CCDC3: variants seen among roughly 807,000 people sequenced by gnomAD.
The protein encoded by CCDC3 is coiled-coil domain-containing protein 3.
CCDC3 carries 24 observed loss-of-function variants against 21.4 expected under a neutral mutation model. The observed-to-expected ratio is 1.12, with a 90% CI of 0.81 to 1.58. The LOEUF (loss-of-function observed/expected upper bound fraction) is 1.58. CCDC3 is among the 40% of genes most tolerant of loss of function. The probability of loss-of-function intolerance (pLI) is 0.00; values close to 1 mark genes in which losing one functional copy is unlikely to be tolerated. For missense variants in CCDC3, 425 were observed against 360.9 expected (o/e 1.18, Z -1.44); for synonymous variants, 186 against 166.0 (o/e 1.12, Z -0.93).
intron 2 of CCDC3, among the ~76,000 whole-genome samples, chr10:12,921,189 C>T (rs574472315): frequency 6.6e-6 from 1 of 152,272 alleles, no homozygotes; most frequent in African/African-American, 2.4e-5. Context: ...TCTGGGTATT[C>T]AATTTAAAAT....
rs1404893181 is a variant in CCDC3 at position 13,098,743 on chromosome 10, G to T, written c.-580-141C>A. ...TTTTTTTTTTTTTTTTTGAGACGGA[G>T]TCTCACTCTGTCACCCAGGCTGGAG... On this transcript the variant is annotated intron_variant, in intron 2 of 6. Transcript: ENST00000378839. 5.9e-5 allele frequency: 3 copies of T among 50,750 alleles called. No individual in the cohort carries two copies. The East Asian group carries it at 1.4e-3, about 24-fold the overall frequency. The allele number at this position is 50,750 out of a possible 1,614,324, so 3.1% of individuals were successfully genotyped here.
In CCDC3 at chr10:13,067,016, T is replaced by A. The variant is rs529857732; in HGVS notation, c.-270+6852A>T. 4.6e-5 allele frequency among the ~76,000 whole-genome samples: 7 copies of A among 152,282 alleles called. No individual in the cohort carries two copies. In the South Asian group the frequency reaches 1.5e-3, roughly 32 times the overall value. ...ATTCTGCAACATTTTGGCTCCTAGG[T>A]GTGGGGCTTGAGGAGGGGTGGGTAA... On this transcript the variant is annotated intron_variant, in intron 4 of 6. Transcript: ENST00000378839.
At chr10:13,073,262 C>G (rs1836909021) in intron 4 of CCDC3, among the ~76,000 whole-genome samples, 1 of 152,152 alleles carries the variant, frequency 6.6e-6, no homozygotes, top group Admixed American at 6.5e-5. Flanking sequence ...TTAGTCTTCT[C>G]TTTGGTGGTG....
Position 13,001,686 on chromosome 10 carries a change from C to T in CCDC3, c.-116G>A. The T allele has an allele frequency of 1.6e-6, 1 of 638,394 alleles. No homozygotes were observed. Among genetic ancestry groups the T allele is most frequent in the Non-Finnish European group, 2.0e-6 (1 of 504,448 alleles). 39.5% of individuals were successfully genotyped at this position (638,394 alleles called of 1,614,324 possible). A position where few individuals can be genotyped will look rare whatever the true frequency, so the allele number is the denominator to read the frequency against. On this transcript the variant is annotated 5_prime_UTR_variant, in exon 1 of 3. It adds an upstream start codon to the 5' untranslated region. Coordinates refer to ENST00000378825, the MANE Select transcript of CCDC3 (RefSeq NM_031455.4). ...GGGCCGCTCCCGGGAGCTGAGCGCA[C>T]CGCTGTCTCCGCCACGGGGCTCGGC...
At chr10:12,975,859 C>T (rs1252914675) in intron 2 of CCDC3, among the ~76,000 whole-genome samples, 1 of 152,190 alleles carries the variant, frequency 6.6e-6, no homozygotes, top group Non-Finnish European at 1.5e-5. Flanking sequence ...TTTCATCTCC[C>T]CTGGTTTCAG....
chr10:12,917,609 G>T (rs1369557982), intron 2 of CCDC3, among the ~76,000 whole-genome samples: 1 of 152,150 alleles, frequency 6.6e-6, no homozygotes, highest in Non-Finnish European at 1.5e-5. Context: ...GATTTTCTGC[G>T]TGGGAGATGA....
At chr10:12,991,513 G>A (rs1835682733) in intron 2 of CCDC3, among the ~76,000 whole-genome samples, 1 of 152,000 alleles carries the variant, frequency 6.6e-6, no homozygotes, top group Admixed American at 6.6e-5. Flanking sequence ...TAGAGACGGG[G>A]TTTCACCATG....
At chr10:13,054,168 A>C (rs1412481668) in intron 4 of CCDC3, among the ~76,000 whole-genome samples, 2 of 151,490 alleles carry the variant, frequency 1.3e-5, no homozygotes, top group Admixed American at 6.6e-5. Context: ...AAAAAAAAAA[A>C]AAAAAGAGGA....
Position 12,994,000 on chromosome 10 carries a change from G to A in CCDC3, c.549+4338C>T, listed in dbSNP as rs59891835. On this transcript the variant is annotated intron_variant, in intron 2 of 2. Coordinates refer to ENST00000378825, the MANE Select transcript of CCDC3 (RefSeq NM_031455.4). ...CTAGAGTCCCAGATCCTCCAACAGA[G>A]AGAAAGTGAGAACTATCAGGGAAGA... 1.5e-3 allele frequency among the ~76,000 whole-genome samples: 221 copies of A among 152,238 alleles called. 1 individual carries two copies. The highest frequency in any genetic ancestry group is 5.2e-3 in the African/African-American group (214 of 41,544).
At chr10:12,935,014 C>A (rs777717992) in intron 2 of CCDC3, among the ~76,000 whole-genome samples, 1 of 152,026 alleles carries the variant, frequency 6.6e-6, no homozygotes, top group Admixed American at 6.6e-5. Flanking sequence ...TAGGCTCAAG[C>A]AGTCCTCCTG....
intron 2 of CCDC3, among the ~76,000 whole-genome samples, chr10:12,917,448 G>A (rs763219632): frequency 5.9e-5 from 9 of 152,004 alleles, no homozygotes; most frequent in South Asian, 2.1e-4. Context: ...CGCCCACCTC[G>A]GCCTCCCAAA....
chr10:12,966,571 A>T (rs965632430), intron 2 of CCDC3, among the ~76,000 whole-genome samples: 1 of 152,142 alleles, frequency 6.6e-6, no homozygotes, highest in Admixed American at 6.5e-5. Flanking sequence ...TCTGCTTCTT[A>T]TCGAAGCAGA....
At position 12,900,925 on chromosome 10, in the gene CCDC3, C is replaced by G. The variant is rs137946027; in HGVS notation, c.550-2246G>C. Among the ~76,000 whole-genome samples, 423 of 152,268 alleles carry G rather than the reference C, an allele frequency of 2.8e-3. 3 individuals carry two copies. Among genetic ancestry groups the G allele is most frequent in the African/African-American group, 9.6e-3 (399 of 41,562 alleles). On this transcript the variant is annotated intron_variant, in intron 2 of 2. Transcript: ENST00000378825. The stretch of plus-strand genomic sequence containing the variant: ...ACTAAAGGATTGATTTCCCCAGCTT[C>G]TTGGAGTGCTGCAGACCGATAGCCG...
At chr10:12,988,266 T>C (rs1477606729) in intron 2 of CCDC3, among the ~76,000 whole-genome samples, 1 of 152,190 alleles carries the variant, frequency 6.6e-6, no homozygotes, top group East Asian at 1.9e-4. Context: ...CTTTTCTGCC[T>C]GATCTTTGTA....
upstream of CCDC3, among the ~76,000 whole-genome samples, chr10:13,004,947 C>T (rs931666726): frequency 6.6e-6 from 1 of 152,150 alleles, no homozygotes; most frequent in Admixed American, 6.5e-5. Flanking sequence ...TATCTTCACA[C>T]TTGGTAACCG....
At position 12,922,367 on chromosome 10, in the gene CCDC3, ACC is replaced by A. The variant is rs533092001; in HGVS notation, c.550-23690_550-23689del. ...CCTCCTAGCCCAGGCCCTGCATCCC[ACC>A]CTCCCATCTGTGTCAGAAGATGCTT... On this transcript the variant is annotated intron_variant, in intron 2 of 2. Coordinates refer to ENST00000378825, the MANE Select transcript of CCDC3 (RefSeq NM_031455.4). Among the ~76,000 whole-genome samples, 782 of 151,446 alleles carry A rather than the reference ACC, an allele frequency of 5.2e-3. 4 individuals carry two copies. Among genetic ancestry groups the A allele is most frequent in the Middle Eastern group, 0.01 (3 of 294 alleles).
At chr10:12,948,599 G>C (rs1219907701) in intron 2 of CCDC3, among the ~76,000 whole-genome samples, 1 of 152,068 alleles carries the variant, frequency 6.6e-6, no homozygotes, top group East Asian at 1.9e-4. Flanking sequence ...TAATGTGAGA[G>C]TCATTGTCAA....
At chr10:13,047,739 C>A (rs1836547207) in intron 5 of CCDC3, among the ~76,000 whole-genome samples, 5 of 152,166 alleles carry the variant, frequency 3.3e-5, no homozygotes, top group Admixed American at 3.3e-4. Flanking sequence ...ATGGGCCTCT[C>A]TAAAGCTCTC....
chr10:12,967,488 A>G (rs988197112), intron 2 of CCDC3, among the ~76,000 whole-genome samples: 17 of 152,200 alleles, frequency 1.1e-4, no homozygotes, highest in Non-Finnish European at 2.5e-4. Context: ...ATTATTTTTA[A>G]AAAATCAAAT....
Sources: gnomAD v4.1 joint callset for allele counts (sites outside exome capture counted in the v4.1 genomes callset) on GRCh38, gnomAD v4.1.1 for gene constraint, MANE v1.5 for transcripts, NCBI Gene and HGNC (gene_info 2026-07-23, HGNC 2026-07-21) for gene names.